The following CNTNAP4 variants were observed in gnomAD, a reference collection of about 807,000 sequenced individuals.
CNTNAP4 encodes the protein contactin associated protein family member 4, also known as contactin-associated protein-like 4.
A neutral mutation model predicts 148.4 loss-of-function variants in CNTNAP4; 98 were observed. The observed-to-expected ratio is 0.66, with a 90% CI of 0.56 to 0.78. The LOEUF is 0.78. Among genes scored for constraint, CNTNAP4 ranks in the 30% least tolerant of loss-of-function variants. The pLI is 0.00. For missense variants in CNTNAP4, 1,935 were observed against 1,565.6 expected (o/e 1.24, Z -3.98); for synonymous variants, 730 against 565.1 (o/e 1.29, Z -4.14).
At chr16:76,449,945 C>G (rs1028661568) in intron 7 of CNTNAP4, 87 bp downstream of exon 7, 4 of 1,190,860 alleles carry the variant, frequency 3.4e-6, no homozygotes, top group African/African-American at 1.6e-5. Flanking sequence ...TCCCATTTGA[C>G]ATGGGGTTTT....
At chr16:76,364,809 A>G (rs1308053571) in intron 3 of CNTNAP4, among the ~76,000 whole-genome samples, 1 of 152,116 alleles carries the variant, frequency 6.6e-6, no homozygotes, top group Non-Finnish European at 1.5e-5. Flanking sequence ...AAATATTTAC[A>G]ACTATTCTGT....
chr16:76,558,615 GC>G lies in CNTNAP4; in HGVS notation c.3860del (p.Ala1287ValfsTer3). The G allele has an allele frequency of 6.2e-7, 1 of 1,613,372 alleles. No homozygotes were observed. Among genetic ancestry groups the G allele is most frequent in the South Asian group, 1.1e-5 (1 of 90,988 alleles). ...GTCAGAGAATGTAGACAGTGCTGAG[GC>G]TGTTCTGAAAAGTGAGCTTAATATA... ...KRSENVDSAE[A>X]VLKSELNIQN... On this transcript the variant is annotated frameshift_variant, in exon 24 of 24. Transcript: ENST00000611870. LOFTEE classifies it high-confidence loss of function.
chr16:76,366,304 C>T (rs1044023413), intron 3 of CNTNAP4, among the ~76,000 whole-genome samples: 3 of 152,116 alleles, frequency 2.0e-5, no homozygotes, highest in Non-Finnish European at 4.4e-5. Flanking sequence ...CTCAAGTAAG[C>T]CCCAGTGTCT....
chr16:76,284,361 C>A (rs1958801086), intron 1 of CNTNAP4, among the ~76,000 whole-genome samples: 1 of 151,868 alleles, frequency 6.6e-6, no homozygotes, highest in Non-Finnish European at 1.5e-5. Context: ...GTTGTAGCAT[C>A]AAATGCTAAT....
At chr16:76,373,017 A>G (rs2015015828) in intron 3 of CNTNAP4, among the ~76,000 whole-genome samples, 1 of 152,328 alleles carries the variant, frequency 6.6e-6, no homozygotes, top group African/African-American at 2.4e-5. Context: ...CTGAAATACA[A>G]TAATCTGATG....
intron 4 of CNTNAP4, among the ~76,000 whole-genome samples, chr16:76,447,103 T>C (rs2143136200): frequency 6.6e-6 from 1 of 152,010 alleles, no homozygotes; most frequent in African/African-American, 2.4e-5. Context: ...AACCCAGGAA[T>C]TCGAGACCAG....
chr16:76,531,728 A>G lies in CNTNAP4; in HGVS notation c.2756-3817A>G, dbSNP rs116480871. Among the ~76,000 whole-genome samples the G allele has an allele frequency of 4.6e-3, 702 of 152,302 alleles. 4 individuals are homozygous for G. The highest frequency in any genetic ancestry group is 0.016 in the African/African-American group (682 of 41,574). Reference sequence around the variant, plus strand: ...CCTATTTACATTAGCCACGTTTTTCAAATAGTTACATCTGAAAATAAAGTT... The same window carrying G: ...CCTATTTACATTAGCCACGTTTTTCGAATAGTTACATCTGAAAATAAAGTT... On this transcript the variant is annotated intron_variant, in intron 17 of 23. Coordinates refer to ENST00000611870, the MANE Select transcript of CNTNAP4 (RefSeq NM_033401.5).
At chr16:76,279,681 A>G (rs187199095) in intron 1 of CNTNAP4, among the ~76,000 whole-genome samples, 88 of 152,276 alleles carry the variant, frequency 5.8e-4, no homozygotes, top group African/African-American at 2.0e-3. Flanking sequence ...CTTGCTTACC[A>G]TGCATGTGGA....
rs141170264 is a variant in CNTNAP4 at position 76,529,834 on chromosome 16, G to C, written c.2756-5711G>C. Among the ~76,000 whole-genome samples, 704 of 133,558 alleles carry C rather than the reference G, an allele frequency of 5.3e-3. 4 individuals carry two copies. Among genetic ancestry groups the C allele is most frequent in the African/African-American group, 0.019 (684 of 35,446 alleles). The allele number at this position is 133,558 out of a possible 152,430, so 87.6% of individuals were successfully genotyped here. On this transcript the variant is annotated intron_variant, in intron 17 of 23. Transcript: ENST00000611870. ...ATTGAAGCTCTGAGACTGTAGTGAT[G>C]AATCTCAGCTGTGTGTGTGTGTGTG...
chr16:76,286,753 A>AT (rs1297191422), intron 1 of CNTNAP4, among the ~76,000 whole-genome samples: 1 of 152,200 alleles, frequency 6.6e-6, no homozygotes, highest in African/African-American at 2.4e-5. Flanking sequence ...ATTTTGGCTG[A>AT]TTTTAAACAA....
intron 3 of CNTNAP4, among the ~76,000 whole-genome samples, chr16:76,411,296 A>G (rs1597455456): frequency 1.3e-5 from 2 of 151,626 alleles, no homozygotes; most frequent in East Asian, 3.9e-4. Flanking sequence ...ACAATTAGCA[A>G]TTTAATAAAT....
At chr16:76,311,061 G>A (rs757265467) in intron 1 of CNTNAP4, among the ~76,000 whole-genome samples, 4 of 152,082 alleles carry the variant, frequency 2.6e-5, no homozygotes, top group Non-Finnish European at 5.9e-5. Context: ...TGCATGTAAA[G>A]CACTGAGAAC....
At chr16:76,349,538 T>C (rs1965198953) in intron 2 of CNTNAP4, among the ~76,000 whole-genome samples, 1 of 152,164 alleles carries the variant, frequency 6.6e-6, no homozygotes, top group Admixed American at 6.6e-5. Flanking sequence ...CAAACAAATA[T>C]TGGTACCACG....
At chr16:76,306,429 C>A (rs568672055) in intron 1 of CNTNAP4, among the ~76,000 whole-genome samples, 25 of 152,216 alleles carry the variant, frequency 1.6e-4, no homozygotes, top group African/African-American at 5.5e-4. Context: ...CAAAAACAAA[C>A]AAAATCCCAC....
At position 76,322,831 on chromosome 16, in the gene CNTNAP4, T is replaced by G. The variant is rs1161913277; in HGVS notation, c.196+6308T>G. Among the ~76,000 whole-genome samples the G allele has an allele frequency of 2.1e-5, 3 of 145,898 alleles. 1 individual carries two copies. On this transcript the variant is annotated intron_variant, in intron 2 of 23. Coordinates refer to ENST00000611870, the MANE Select transcript of CNTNAP4 (RefSeq NM_033401.5). ...AGTCAATTTATTCCTTTTTATTTTATTTTTTATTTTTTGTTTTTTTTTTGA... is the reference window on the plus strand; with the variant it reads ...AGTCAATTTATTCCTTTTTATTTTAGTTTTTATTTTTTGTTTTTTTTTTGA...
intron 7 of CNTNAP4, among the ~76,000 whole-genome samples, chr16:76,451,575 T>C (rs2080471940): frequency 6.7e-6 from 1 of 149,286 alleles, no homozygotes; most frequent in African/African-American, 2.5e-5. Flanking sequence ...TTATTTAAAA[T>C]AAAAATAAAA....
chr16:76,328,157 C>T (rs1189602280), intron 2 of CNTNAP4, among the ~76,000 whole-genome samples: 3 of 152,166 alleles, frequency 2.0e-5, no homozygotes, highest in Admixed American at 6.5e-5. Context: ...CAACACTGTA[C>T]ATTATTGGAC....
chr16:76,443,954 G>T (rs189944196), intron 4 of CNTNAP4, among the ~76,000 whole-genome samples: 4 of 152,060 alleles, frequency 2.6e-5, no homozygotes, highest in African/African-American at 9.7e-5. Context: ...TATGTTTTCA[G>T]TTCGCAATGT....
chr16:76,332,472 T>C (rs1963619611), intron 2 of CNTNAP4, among the ~76,000 whole-genome samples: 2 of 152,194 alleles, frequency 1.3e-5, no homozygotes, highest in African/African-American at 4.8e-5. Context: ...CCATGTTGCC[T>C]AGGCTGGTCT....
Sources: gnomAD v4.1 joint callset for allele counts (sites outside exome capture counted in the v4.1 genomes callset) on GRCh38, gnomAD v4.1.1 for gene constraint, MANE v1.5 for transcripts, NCBI Gene and HGNC (gene_info 2026-07-23, HGNC 2026-07-21) for gene names.